The following FOXN3 variants were observed in gnomAD, a reference collection of about 807,000 sequenced individuals.
FOXN3 encodes the protein forkhead box N3, also known as forkhead box protein N3.
Under a neutral mutation model 38.4 loss-of-function variants are expected in FOXN3, and 7 were observed. The ratio of observed to expected loss-of-function variants is 0.18; its 90% CI spans 0.10 to 0.34. The LOEUF is 0.34. Among genes scored for constraint, FOXN3 ranks in the 10% least tolerant of loss-of-function variants. The pLI is 1.00. For missense variants in FOXN3, 456 were observed against 613.4 expected, an observed-to-expected ratio of 0.74 and a Z score of 2.71; for synonymous variants, 230 against 242.2, an observed-to-expected ratio of 0.95 and a Z score of 0.47.
chr14:89,335,145 T>C (rs933579319), intron 3 of FOXN3, among the ~76,000 whole-genome samples: 13 of 151,566 alleles, frequency 8.6e-5, no homozygotes, highest in African/African-American at 2.4e-4. Flanking sequence ...TATGAGGTAA[T>C]AGATATGTTA....
chr14:89,520,211 G>A (rs4904586), intron 1 of FOXN3, among the ~76,000 whole-genome samples: 19,252 of 149,260 alleles, frequency 0.13, 1,382 homozygotes, highest in African/African-American at 0.18. Context: ...CAGGGGTTTC[G>A]CCATGTTGTC....
At chr14:89,598,341 A>G (rs1269045040) in intron 1 of FOXN3, among the ~76,000 whole-genome samples, 1 of 152,056 alleles carries the variant, frequency 6.6e-6, no homozygotes, top group Non-Finnish European at 1.5e-5. Flanking sequence ...CACTCCTTAC[A>G]TTTCTGAGCC....
chr14:89,179,776 G>A (rs1887615527), intron 5 of FOXN3, among the ~76,000 whole-genome samples: 1 of 152,202 alleles, frequency 6.6e-6, no homozygotes, highest in South Asian at 2.1e-4. Flanking sequence ...GCATTGGGAA[G>A]GGATCATCTT....
At chr14:89,341,497 G>C (rs1156283584) in intron 3 of FOXN3, among the ~76,000 whole-genome samples, 1 of 152,082 alleles carries the variant, frequency 6.6e-6, no homozygotes, top group Non-Finnish European at 1.5e-5. Context: ...TGAATGATGG[G>C]TTCCACTTCC....
intron 1 of FOXN3, among the ~76,000 whole-genome samples, chr14:89,578,925 G>A (rs775711848): frequency 8.3e-4 from 127 of 152,274 alleles, no homozygotes; most frequent in Non-Finnish European, 1.3e-3. Flanking sequence ...ACAGCTCACT[G>A]CAGCCTCAAC....
chr14:89,205,971 T>A (rs577794028), intron 4 of FOXN3, among the ~76,000 whole-genome samples: 1 of 152,270 alleles, frequency 6.6e-6, no homozygotes, highest in South Asian at 2.1e-4. Flanking sequence ...AGAGCCCTCA[T>A]AAAAGAGGCC....
chr14:89,573,311 G>A (rs1895533748), intron 1 of FOXN3, among the ~76,000 whole-genome samples: 1 of 152,152 alleles, frequency 6.6e-6, no homozygotes, highest in Non-Finnish European at 1.5e-5. Flanking sequence ...TAGATTTCAT[G>A]GGCAGATAAA....
intron 2 of FOXN3, chr14:89,355,007 C>A (rs1266005871): frequency 2.0e-5 from 3 of 151,276 alleles, no homozygotes; most frequent in Admixed American, 6.6e-5. Context: ...TACACTAACA[C>A]CCCCAGAAAA....
intron 2 of FOXN3, among the ~76,000 whole-genome samples, chr14:89,395,761 A>G (rs1255219830): frequency 1.3e-5 from 2 of 152,160 alleles, no homozygotes; most frequent in Non-Finnish European, 2.9e-5. Context: ...TAATATTAAT[A>G]TTATTATTTC....
At chr14:89,271,293 A>G (rs1886145175) in intron 4 of FOXN3, among the ~76,000 whole-genome samples, 1 of 152,232 alleles carries the variant, frequency 6.6e-6, no homozygotes, top group African/African-American at 2.4e-5. Flanking sequence ...AAATATTTCT[A>G]GACTTCCATT....
chr14:89,291,933 A>G (rs1170573829), intron 3 of FOXN3, among the ~76,000 whole-genome samples: 3 of 152,088 alleles, frequency 2.0e-5, no homozygotes, highest in Non-Finnish European at 4.4e-5. Flanking sequence ...ACAACCAAAA[A>G]TGTTTCCAGT....
At chr14:89,343,420 G>T (rs1292694932) in intron 3 of FOXN3, among the ~76,000 whole-genome samples, 7 of 150,590 alleles carry the variant, frequency 4.6e-5, no homozygotes, top group Non-Finnish European at 8.8e-5. Context: ...TTGTTAATTT[G>T]AATATACAGT....
At chr14:89,296,253 GT>G (rs1308163372) in intron 3 of FOXN3, among the ~76,000 whole-genome samples, 1 of 152,180 alleles carries the variant, frequency 6.6e-6, no homozygotes, top group Non-Finnish European at 1.5e-5. Flanking sequence ...ATGCAAAGGT[GT>G]TTATCATTAT....
At chr14:89,177,696 GC>G (rs1887559635) in intron 5 of FOXN3, among the ~76,000 whole-genome samples, 1 of 151,996 alleles carries the variant, frequency 6.6e-6, no homozygotes, top group South Asian at 2.1e-4. Context: ...ACCCAGCAAT[GC>G]CTCTGTACCT....
At chr14:89,419,901 G>A (rs953036920), upstream of FOXN3, 3 of 152,242 alleles carry the variant, frequency 2.0e-5, no homozygotes, top group Non-Finnish European at 4.4e-5. Context: ...AGGTGAGCAG[G>A]TGCAGTCGGG....
Position 89,584,246 on chromosome 14 carries a change from T to A in FOXN3, c.-15+34782A>T, listed in dbSNP as rs192148121. 7.8e-3 allele frequency among the ~76,000 whole-genome samples: 1,183 copies of A among 152,034 alleles called. 47 individuals are homozygous for A. The highest frequency in any genetic ancestry group is 0.057 in the Admixed American group (874 of 15,270). On this transcript the variant is annotated intron_variant, in intron 1 of 6. Transcript: ENST00000345097. ...AACCCCATCTTTACTAAAAATATTT[T>A]AAAAATTAGCCAGGCATGGTGGTGT...
At chr14:89,178,248 T>A (rs1403999847) in intron 5 of FOXN3, among the ~76,000 whole-genome samples, 2 of 151,872 alleles carry the variant, frequency 1.3e-5, no homozygotes, top group Non-Finnish European at 2.9e-5. Context: ...TGAGCTCAAG[T>A]GATCCACCCG....
chr14:89,394,876 G>A (rs1299413757), intron 2 of FOXN3, among the ~76,000 whole-genome samples: 2 of 152,232 alleles, frequency 1.3e-5, no homozygotes, highest in Admixed American at 6.5e-5. Flanking sequence ...TGGAAGCACA[G>A]CTAGTGACTC....
intron 4 of FOXN3, chr14:89,190,486 C>T (rs189791924): frequency 1.8e-4 from 275 of 1,558,608 alleles, no homozygotes; most frequent in South Asian, 5.4e-4. Flanking sequence ...TTATTTACAA[C>T]GGGGCCGGTG....
Sources: gnomAD v4.1 joint callset for allele counts (sites outside exome capture counted in the v4.1 genomes callset) on GRCh38, gnomAD v4.1.1 for gene constraint, MANE v1.5 for transcripts, NCBI Gene and HGNC (gene_info 2026-07-23, HGNC 2026-07-21) for gene names.